Variants in TASOR observed in about 807,000 individuals in gnomAD.
TASOR encodes transcription activation suppressor.
TASOR carries 53 observed loss-of-function variants against 178.6 expected under a neutral mutation model. The ratio of observed to expected loss-of-function variants is 0.30; its 90% CI spans 0.24 to 0.37. TASOR has a LOEUF of 0.37. TASOR is among the 10% of genes least tolerant of loss of function. TASOR has a pLI of 1.00. For synonymous variants in TASOR, 713 were observed against 696.2 expected (o/e 1.02, Z -0.38); for missense variants, 1,815 against 1,971.4 (o/e 0.92, Z 1.50).
In TASOR at chr3:56,622,056, G is replaced by GAAAT. The variant is rs1449840101; in HGVS notation, c.*977_*980dup. 6.6e-6 allele frequency: 1 copy of GAAAT among 152,188 alleles called. No individual in the cohort carries two copies. The highest frequency in any genetic ancestry group is 1.5e-5 in the Non-Finnish European group (1 of 68,050). 9.4% of individuals were successfully genotyped at this position (152,188 alleles called of 1,614,324 possible). A position where few individuals can be genotyped will look rare whatever the true frequency, so the allele number is the denominator to read the frequency against. On this transcript the variant is annotated 3_prime_UTR_variant, in exon 24 of 24. Transcript: ENST00000683822. ...GACCCATAACTCCATAACTTTTACTGAAATAACACAAATTCAGTTTAGGCT... is the reference window on the plus strand; with the variant it reads ...GACCCATAACTCCATAACTTTTACTGAAATAAATAACACAAATTCAGTTTAGGCT...
At chr3:56,662,587 C>G (rs1240839233) in intron 8 of TASOR, 97 bp from the exon 9 acceptor site, 5 of 523,604 alleles carry the variant, frequency 9.5e-6, no homozygotes, top group Non-Finnish European at 1.7e-5. Context: ...TATCTAGAAA[C>G]AAGGTTTAAG....
chr3:56,662,499 AAAG>A lies in TASOR; in HGVS notation c.1055-12_1055-10del. On this transcript the variant is annotated splice_polypyrimidine_tract_variant and intron_variant, in intron 8 of 23. Transcript: ENST00000683822. ...GGTATAGTTATATTTATCTAAATAA[AAAG>A]AATATAATGACACAGCTTAGTCACT... 1 of 1,369,480 alleles carries A rather than the reference AAAG, an allele frequency of 7.3e-7. No homozygotes were observed. The highest frequency in any genetic ancestry group is 1.0e-6 in the Non-Finnish European group (1 of 992,788). 84.8% of individuals were successfully genotyped at this position (1,369,480 alleles called of 1,614,324 possible).
chr3:56,647,027 T>A lies in TASOR; in HGVS notation c.1710A>T (p.Lys570Asn). 2 of 1,603,196 alleles carry A rather than the reference T, an allele frequency of 1.2e-6. No homozygotes were observed. Among genetic ancestry groups the A allele is most frequent in the Non-Finnish European group, 1.7e-6 (2 of 1,177,320 alleles). ...EFFKRGFGSG[K>N]REFIMFPYDS... ...CATATGGAAACATAATAAACTCTCG[T>A]TTACCTGAACCAAAACCTCGCTTAA... Residue 570 changes from lysine (K) to asparagine (N), a missense_variant, in exon 14 of 24, where the codon AAA (lysine) becomes AAT (asparagine). Transcript: ENST00000683822.
At chr3:56,666,429 G>C in intron 6 of TASOR, 45 bp from the exon 7 acceptor site, 1 of 1,379,330 alleles carries the variant, frequency 7.2e-7, no homozygotes, top group Non-Finnish European at 9.5e-7. Flanking sequence ...AAAAGGCAAG[G>C]TGAAACCTTA....
At chr3:56,672,844 G>T (rs1433459957) in intron 2 of TASOR, among the ~76,000 whole-genome samples, 1 of 152,162 alleles carries the variant, frequency 6.6e-6, no homozygotes, top group African/African-American at 2.4e-5. Flanking sequence ...TTATTTATCT[G>T]AGACAGAGTT....
chr3:56,636,514 C>T (rs1268976538), intron 17 of TASOR, among the ~76,000 whole-genome samples: 1 of 151,706 alleles, frequency 6.6e-6, no homozygotes, highest in Non-Finnish European at 1.5e-5. Flanking sequence ...AAACAATTCT[C>T]CTGCCTCAGC....
chr3:56,645,398 T>C (rs750271222), intron 14 of TASOR, among the ~76,000 whole-genome samples: 5 of 152,226 alleles, frequency 3.3e-5, no homozygotes, highest in Non-Finnish European at 7.4e-5. Context: ...CTGATCTGAC[T>C]AACCTAGACT....
Position 56,622,050 on chromosome 3 carries a change from T to G in TASOR, c.*987A>C, listed in dbSNP as rs547849119. On this transcript the variant is annotated 3_prime_UTR_variant, in exon 24 of 24. Transcript: ENST00000683822. ...CGTCTAGACCCATAACTCCATAACT[T>G]TTACTGAAATAACACAAATTCAGTT... is the stretch of plus-strand genomic sequence containing the variant. The G allele has an allele frequency of 6.6e-6, 1 of 152,392 alleles. No homozygotes were observed. Among genetic ancestry groups the G allele is most frequent in the African/African-American group, 2.4e-5 (1 of 41,566 alleles). The allele number at this position is 152,392 out of a possible 1,614,324, so 9.4% of individuals were successfully genotyped here. A position where few individuals can be genotyped will look rare whatever the true frequency, so the allele number is the denominator to read the frequency against.
In TASOR at chr3:56,640,116, A is replaced by C. The variant is rs2077092234; in HGVS notation, c.2634T>G (p.Ile878Met). Residue 878 changes from isoleucine (I) to methionine (M), a missense_variant, in exon 16 of 24, where the codon ATT becomes ATG. Around this residue, in one of 5 missense-constraint regions of TASOR, gnomAD observed 655 missense variants for 671.1 expected, o/e 0.98. Coordinates refer to ENST00000683822, the MANE Select transcript of TASOR (RefSeq NM_001365635.2). ...KLHLKEDPNL[I>M]SVNNFEDCSL... ...TGCAATCTTCAAAATTATTCACGCT[A>C]ATTAAATTTGGATCCTAAAAATCAA... 1 of 1,612,634 alleles carries C rather than the reference A, an allele frequency of 6.2e-7. No homozygotes were observed. The highest frequency in any genetic ancestry group is 1.3e-5 in the African/African-American group (1 of 74,900).
chr3:56,678,066 G>T (rs1057275328), intron 1 of TASOR, among the ~76,000 whole-genome samples: 3 of 151,830 alleles, frequency 2.0e-5, no homozygotes, highest in Non-Finnish European at 2.9e-5. Context: ...TAATTCAAAC[G>T]AGGAAACTGA....
chr3:56,653,844 T>A (rs2077412116), intron 11 of TASOR, among the ~76,000 whole-genome samples: 1 of 152,090 alleles, frequency 6.6e-6, no homozygotes. Flanking sequence ...AAAATAAAAA[T>A]TTCTTAGAAA....
At chr3:56,681,002 T>G (rs1214682127) in intron 1 of TASOR, among the ~76,000 whole-genome samples, 1 of 151,710 alleles carries the variant, frequency 6.6e-6, no homozygotes, top group Non-Finnish European at 1.5e-5. Flanking sequence ...ACAAACACAG[T>G]GCCTTTCCAG....
chr3:56,624,058 TCTA>T (rs571542694), intron 23 of TASOR, among the ~76,000 whole-genome samples: 268 of 152,310 alleles, frequency 1.8e-3, no homozygotes, highest in Non-Finnish European at 2.7e-3. Context: ...CTATGACAGC[TCTA>T]CTATCTTGCA....
Position 56,683,140 on chromosome 3 carries a change from G to A in TASOR, c.-134C>T. ...CCCCTTCCCCCCGTGGCCTCAGGCT[G>A]CGCTCCCGACCTGGCAGCCTCTTGG... On this transcript the variant is annotated 5_prime_UTR_variant, in exon 1 of 24. Coordinates refer to ENST00000683822, the MANE Select transcript of TASOR (RefSeq NM_001365635.2). 9.6e-7 allele frequency: 1 copy of A among 1,043,550 alleles called. No individual in the cohort carries two copies. The highest frequency in any genetic ancestry group is 1.3e-6 in the Non-Finnish European group (1 of 745,104). The allele number at this position is 1,043,550 out of a possible 1,614,324, so 64.6% of individuals were successfully genotyped here.
At position 56,620,700 on chromosome 3, in the gene TASOR, C is replaced by T. The variant is rs575985122; in HGVS notation, c.*2337G>A. ...TACATAAGTTATTTCTTTAGAGTGA[C>T]GAAGTGTTAGTTTACTTCTTGCTTA... is the stretch of plus-strand genomic sequence containing the variant. On this transcript the variant is annotated 3_prime_UTR_variant, in exon 24 of 24. Transcript: ENST00000683822. 97 of 152,236 alleles carry T rather than the reference C, an allele frequency of 6.4e-4. No individual in the cohort carries two copies. The highest frequency in any genetic ancestry group is 2.1e-3 in the African/African-American group (87 of 41,534). The allele number at this position is 152,236 out of a possible 1,614,324, so 9.4% of individuals were successfully genotyped here.
In TASOR at chr3:56,669,628, C is replaced by G. The variant is rs963794896; in HGVS notation, c.735+72G>C. 9.7e-6 allele frequency: 9 copies of G among 923,184 alleles called. No individual in the cohort carries two copies. In the African/African-American group the frequency reaches 1.4e-4, roughly 14 times the overall value. The allele number at this position is 923,184 out of a possible 1,614,324, so 57.2% of individuals were successfully genotyped here. A position where few individuals can be genotyped will look rare whatever the true frequency, so the allele number is the denominator to read the frequency against. On this transcript the variant is annotated intron_variant, in intron 5 of 23. Transcript: ENST00000683822. Reference sequence around the variant, plus strand: ...GAACTTTTAAACAATCTCCTAAAAACAGCATCATCTAAAAATTAAAATCCA... The same window carrying G: ...GAACTTTTAAACAATCTCCTAAAAAGAGCATCATCTAAAAATTAAAATCCA...
chr3:56,666,794 G>C (rs1253378744), intron 6 of TASOR, among the ~76,000 whole-genome samples: 1 of 152,064 alleles, frequency 6.6e-6, no homozygotes, highest in African/African-American at 2.4e-5. Flanking sequence ...AACACACCTG[G>C]GCTCCAATTG....
Position 56,627,268 on chromosome 3 carries a change from C to A in TASOR, c.4031-123G>T, listed in dbSNP as rs1341313071. 4 of 655,552 alleles carry A rather than the reference C, an allele frequency of 6.1e-6. No homozygotes were observed. In the Admixed American group the frequency reaches 8.7e-5, roughly 14 times the overall value. 40.6% of individuals were successfully genotyped at this position (655,552 alleles called of 1,614,324 possible). ...ACTTTCCTATGTACTATTTTCATTTCTCTTTGTCTAAGGGAGACAGATCTA... is the reference window on the plus strand; with the variant it reads ...ACTTTCCTATGTACTATTTTCATTTATCTTTGTCTAAGGGAGACAGATCTA... On this transcript the variant is annotated intron_variant, in intron 20 of 23. Coordinates refer to ENST00000683822, the MANE Select transcript of TASOR (RefSeq NM_001365635.2).
intron 13 of TASOR, among the ~76,000 whole-genome samples, chr3:56,648,078 C>T (rs1366354595): frequency 2.6e-5 from 4 of 152,056 alleles, no homozygotes; most frequent in South Asian, 2.1e-4. Flanking sequence ...TGCTGGCGCA[C>T]GCCTGTAATC....
Sources: gnomAD v4.1 joint callset for allele counts (sites outside exome capture counted in the v4.1 genomes callset) on GRCh38, gnomAD v4.1.1 for gene constraint, gnomAD v4.1.1 regional missense constraint, MANE v1.5 for transcripts, NCBI Gene and HGNC (gene_info 2026-07-23, HGNC 2026-07-21) for gene names.